CDH18: variants seen among roughly 807,000 people sequenced by gnomAD.
CDH18 encodes the protein cadherin-18.
A neutral mutation model predicts 67.9 loss-of-function variants in CDH18; 31 were observed. The ratio of observed to expected loss-of-function variants is 0.46; its 90% CI spans 0.34 to 0.62. The LOEUF (loss-of-function observed/expected upper bound fraction) is 0.62, where lower values mean the gene tolerates loss of function less well. Ranked by LOEUF, CDH18 falls within the 20% of genes least tolerant of loss-of-function variation. The pLI is 0.01. For synonymous variants in CDH18, 362 were observed against 347.2 expected, an observed-to-expected ratio of 1.04 and a Z score of -0.48; for missense variants, 890 against 975.5, an observed-to-expected ratio of 0.91 and a Z score of 1.17.
chr5:20,299,171 G>C (rs1747762384), intron 1 of CDH18, among the ~76,000 whole-genome samples: 1 of 152,098 alleles, frequency 6.6e-6, no homozygotes, highest in Non-Finnish European at 1.5e-5. Context: ...GATAAGATTT[G>C]AGGGGAACAT....
At chr5:20,331,444 A>C (rs1739175471) in intron 1 of CDH18, 1 of 152,174 alleles carries the variant, frequency 6.6e-6, no homozygotes. Context: ...TCTGACACTG[A>C]TATGATCACT....
chr5:20,386,955 T>C (rs1021069028), intron 1 of CDH18, among the ~76,000 whole-genome samples: 5 of 152,148 alleles, frequency 3.3e-5, no homozygotes, highest in African/African-American at 9.7e-5. Context: ...TGTATTTTGG[T>C]ATCTCAGAAG....
At chr5:19,505,547 A>T (rs1286665654) in intron 10 of CDH18, among the ~76,000 whole-genome samples, 1 of 152,056 alleles carries the variant, frequency 6.6e-6, no homozygotes, top group East Asian at 1.9e-4. Context: ...AATTTTGTAA[A>T]AGTCCTTTTC....
At chr5:20,002,050 C>T (rs1561702722) in intron 2 of CDH18, among the ~76,000 whole-genome samples, 1 of 152,180 alleles carries the variant, frequency 6.6e-6, no homozygotes, top group Non-Finnish European at 1.5e-5. Context: ...ATGTTCTGCT[C>T]ATTGTTACAA....
At chr5:19,968,190 G>C (rs1295591363) in intron 2 of CDH18, among the ~76,000 whole-genome samples, 2 of 152,092 alleles carry the variant, frequency 1.3e-5, no homozygotes, top group Admixed American at 6.6e-5. Context: ...TGAAATAAAA[G>C]AGGACACAAA....
rs182694292 is a variant in CDH18 at position 20,555,701 on chromosome 5, T to C, written c.-580+19761A>G. 2.5e-4 allele frequency among the ~76,000 whole-genome samples: 38 copies of C among 151,894 alleles called. No individual in the cohort carries two copies. In the East Asian group the frequency reaches 7.4e-3, roughly 29 times the overall value. ...AGCACTCAGATTGTGGACTGATTAGTTACAAAGCATTAAACAACTGAGACA... is the reference window on the plus strand; with the variant it reads ...AGCACTCAGATTGTGGACTGATTAGCTACAAAGCATTAAACAACTGAGACA... On this transcript the variant is annotated intron_variant, in intron 1 of 14. Transcript: ENST00000507958.
intron 2 of CDH18, among the ~76,000 whole-genome samples, chr5:20,085,224 C>T (rs769362580): frequency 1.3e-5 from 2 of 152,154 alleles, no homozygotes; most frequent in Non-Finnish European, 2.9e-5. Flanking sequence ...CAAAGTTCCA[C>T]AAATATCTAG....
intron 2 of CDH18, among the ~76,000 whole-genome samples, chr5:20,185,751 G>A (rs996793197): frequency 6.6e-6 from 1 of 151,816 alleles, no homozygotes; most frequent in African/African-American, 2.4e-5. Flanking sequence ...TACCTTATAT[G>A]GCATTTTAAA....
intron 2 of CDH18, among the ~76,000 whole-genome samples, chr5:19,899,975 C>A (rs1350357889): frequency 2.0e-5 from 3 of 152,036 alleles, no homozygotes; most frequent in African/African-American, 7.2e-5. Context: ...TACAAAATTT[C>A]AATTACGCAA....
intron 2 of CDH18, among the ~76,000 whole-genome samples, chr5:20,096,075 A>G (rs1188162488): frequency 1.3e-5 from 2 of 152,134 alleles, no homozygotes; most frequent in Non-Finnish European, 2.9e-5. Flanking sequence ...ATGGAGAAGC[A>G]GCAATAATTT....
At chr5:19,962,882 T>C (rs974026484) in intron 2 of CDH18, among the ~76,000 whole-genome samples, 1 of 152,140 alleles carries the variant, frequency 6.6e-6, no homozygotes, top group Non-Finnish European at 1.5e-5. Flanking sequence ...TGATACAATG[T>C]CCCATCTAAT....
intron 1 of CDH18, among the ~76,000 whole-genome samples, chr5:20,275,491 T>C (rs1259826493): frequency 1.3e-5 from 2 of 152,200 alleles, no homozygotes; most frequent in African/African-American, 2.4e-5. Context: ...TCTCAGGTAC[T>C]TCTTTATAGC....
chr5:20,536,050 T>C (rs537251055), intron 1 of CDH18, among the ~76,000 whole-genome samples: 34 of 152,322 alleles, frequency 2.2e-4, no homozygotes, highest in Admixed American at 5.2e-4. Flanking sequence ...ATGTTTCATA[T>C]ATTTAGCTTA....
At chr5:20,303,186 G>A (rs1736093085) in intron 1 of CDH18, among the ~76,000 whole-genome samples, 1 of 152,064 alleles carries the variant, frequency 6.6e-6, no homozygotes, top group Non-Finnish European at 1.5e-5. Context: ...GTTGATCAGG[G>A]TACAAATGTC....
At chr5:19,739,039 G>T (rs1236467465) in intron 4 of CDH18, among the ~76,000 whole-genome samples, 1 of 151,870 alleles carries the variant, frequency 6.6e-6, no homozygotes, top group Non-Finnish European at 1.5e-5. Context: ...TTACAACAAC[G>T]AAGTTAAAGA....
At chr5:20,474,700 G>A (rs57599290) in intron 1 of CDH18, among the ~76,000 whole-genome samples, 8,411 of 152,244 alleles carry the variant, frequency 0.055, 769 homozygotes, top group African/African-American at 0.19. Context: ...GAAGGCAGCC[G>A]CTATGGAGAC....
intron 2 of CDH18, among the ~76,000 whole-genome samples, chr5:19,858,168 C>G (rs2149964074): frequency 6.6e-6 from 1 of 150,782 alleles, no homozygotes; most frequent in South Asian, 2.1e-4. Context: ...TCCAGAAAGG[C>G]AGGACAACTG....
At position 19,947,585 on chromosome 5, in the gene CDH18, CAAAAAAAAAAAA is replaced by C. The variant is rs35601486; in HGVS notation, c.-257+33463_-257+33474del. 4.9e-3 allele frequency among the ~76,000 whole-genome samples: 260 copies of C among 53,330 alleles called. 2 individuals are homozygous for C. Among genetic ancestry groups the C allele is most frequent in the African/African-American group, 9.7e-3 (223 of 22,956 alleles). 35.0% of individuals were successfully genotyped at this position (53,330 alleles called of 152,430 possible). ...GTGAAACTCCATCTCTACTAAAATA[CAAAAAAAAAAAA>C]AAAAAAAAAAAAAAAAAATAGCCAG... On this transcript the variant is annotated intron_variant, in intron 2 of 12. Transcript: ENST00000382275.
intron 3 of CDH18, among the ~76,000 whole-genome samples, chr5:19,782,059 T>TA (rs555825991): frequency 1.3e-5 from 2 of 151,876 alleles, no homozygotes; most frequent in South Asian, 2.1e-4. Flanking sequence ...GATGCAAAAA[T>TA]AAAAAAAAGC....
Sources: gnomAD v4.1 joint callset for allele counts (sites outside exome capture counted in the v4.1 genomes callset) on GRCh38, gnomAD v4.1.1 for gene constraint, MANE v1.5 for transcripts, NCBI Gene and HGNC (gene_info 2026-07-23, HGNC 2026-07-21) for gene names.